MCPH1: variants seen among roughly 807,000 people sequenced by gnomAD.
The protein encoded by MCPH1 is microcephalin.
A neutral mutation model predicts 84.5 loss-of-function variants in MCPH1; 104 were observed. The observed-to-expected ratio is 1.23, with a 90% confidence interval of 1.05 to 1.45. MCPH1 has a LOEUF of 1.45. Ranked by LOEUF, MCPH1 falls within the 40% of genes most tolerant of loss-of-function variation. The pLI, the probability that MCPH1 is intolerant of heterozygous loss-of-function variation, is 0.00. For missense variants in MCPH1, 1,498 were observed against 1,005.7 expected, an observed-to-expected ratio of 1.49 and a Z score of -6.62; for synonymous variants, 514 against 366.8, an observed-to-expected ratio of 1.40 and a Z score of -4.58.
chr8:6,453,394 GTCT>G (rs1306479387), intron 8 of MCPH1, among the ~76,000 whole-genome samples: 3 of 86,512 alleles, frequency 3.5e-5, no homozygotes, highest in South Asian at 9.0e-4. Flanking sequence ...AACAATATCA[GTCT>G]TTTTTTTTTT....
intron 12 of MCPH1, among the ~76,000 whole-genome samples, chr8:6,576,171 A>G (rs1586686076): frequency 6.6e-6 from 1 of 152,158 alleles, no homozygotes; most frequent in Non-Finnish European, 1.5e-5. Flanking sequence ...GAGGGGGTGA[A>G]AAAAGTCCAG....
At chr8:6,639,560 C>T (rs144710849) in intron 13 of MCPH1, among the ~76,000 whole-genome samples, 222 of 151,640 alleles carry the variant, frequency 1.5e-3, no homozygotes, top group Non-Finnish European at 2.3e-3. Context: ...CTACTCAGGA[C>T]GTCAAGGTGG....
intron 3 of MCPH1, among the ~76,000 whole-genome samples, chr8:6,424,378 AT>A (rs1800734983): frequency 6.6e-6 from 1 of 152,166 alleles, no homozygotes; most frequent in African/African-American, 2.4e-5. Flanking sequence ...CACCCCCTGC[AT>A]TTAGTGTTTG....
chr8:6,454,547 C>T (rs950463192), intron 8 of MCPH1, among the ~76,000 whole-genome samples: 2 of 152,158 alleles, frequency 1.3e-5, no homozygotes, highest in Non-Finnish European at 2.9e-5. Flanking sequence ...CACATTTCAT[C>T]GTGGGTTACT....
chr8:6,545,797 C>G (rs1007772598), intron 12 of MCPH1, among the ~76,000 whole-genome samples: 2 of 152,202 alleles, frequency 1.3e-5, no homozygotes, highest in African/African-American at 2.4e-5. Context: ...AATAATAGTT[C>G]TACCCATTGC....
At chr8:6,491,194 A>G (rs151191785) in intron 11 of MCPH1, among the ~76,000 whole-genome samples, 7,441 of 151,592 alleles carry the variant, frequency 0.049, 404 homozygotes, top group African/African-American at 0.13. Context: ...TTAAATTGAG[A>G]TCATGAGTCA....
chr8:6,555,754 C>A (rs142074887), intron 12 of MCPH1, among the ~76,000 whole-genome samples: 1 of 152,224 alleles, frequency 6.6e-6, no homozygotes, highest in South Asian at 2.1e-4. Context: ...TGAGCCACTG[C>A]ACCCAGCCAC....
intron 10 of MCPH1, among the ~76,000 whole-genome samples, chr8:6,479,797 G>A (rs1018761690): frequency 7.2e-5 from 11 of 152,124 alleles, no homozygotes; most frequent in Admixed American, 1.3e-4. Context: ...GAAGTTGGAC[G>A]GAAAGAATAT....
chr8:6,615,252 C>T (rs143605575), intron 12 of MCPH1, among the ~76,000 whole-genome samples: 1 of 152,304 alleles, frequency 6.6e-6, no homozygotes, highest in Admixed American at 6.5e-5. Context: ...ATGTCACATG[C>T]CACCATCAGG....
At chr8:6,486,262 A>ATCTCTCTCTCTCTCTCTC (rs56247663) in intron 11 of MCPH1, among the ~76,000 whole-genome samples, 13 of 147,186 alleles carry the variant, frequency 8.8e-5, no homozygotes, top group African/African-American at 3.0e-4. Context: ...TGTACAAGGA[A>ATCTCTCTCTCTCTCTCTC]TCTCTCTCTC....
At chr8:6,585,863 T>A (rs1325658114) in intron 12 of MCPH1, among the ~76,000 whole-genome samples, 2 of 152,208 alleles carry the variant, frequency 1.3e-5, no homozygotes, top group African/African-American at 4.8e-5. Context: ...TGGCCAACAG[T>A]CACAGTGTGC....
intron 3 of MCPH1, among the ~76,000 whole-genome samples, chr8:6,425,507 G>A (rs568057569): frequency 6.6e-6 from 1 of 152,170 alleles, no homozygotes; most frequent in East Asian, 1.9e-4. Flanking sequence ...TCTTCATAGT[G>A]AGTGATGATA....
chr8:6,524,476 A>C (rs1447922265), intron 12 of MCPH1, among the ~76,000 whole-genome samples: 1 of 152,206 alleles, frequency 6.6e-6, no homozygotes, highest in Non-Finnish European at 1.5e-5. Context: ...CTCCTGAGTC[A>C]CTTTGCACTT....
intron 12 of MCPH1, chr8:6,514,787 A>C: frequency 1.2e-6 from 2 of 1,612,736 alleles, no homozygotes; most frequent in Non-Finnish European, 1.7e-6. Context: ...GCCTGCAAAC[A>C]GGAATGCAGG....
intron 11 of MCPH1, among the ~76,000 whole-genome samples, chr8:6,484,774 A>AT (rs1449634264): frequency 1.3e-5 from 2 of 152,250 alleles, no homozygotes; most frequent in African/African-American, 4.8e-5. Flanking sequence ...AGAAGGTCAC[A>AT]TGCTGTATAA....
At chr8:6,511,632 G>T (rs528244217) in intron 12 of MCPH1, among the ~76,000 whole-genome samples, 1 of 152,260 alleles carries the variant, frequency 6.6e-6, no homozygotes, top group East Asian at 1.9e-4. Context: ...TCCCTTCACA[G>T]TTCTCTTATC....
intron 2 of MCPH1, among the ~76,000 whole-genome samples, 168 bp downstream of exon 2, chr8:6,409,538 T>G (rs1798247074): frequency 6.6e-6 from 1 of 152,130 alleles, no homozygotes; most frequent in South Asian, 2.1e-4. Flanking sequence ...ACAGTAGGAC[T>G]TTCAGAACTC....
At position 6,611,646 on chromosome 8, in the gene MCPH1, TCTCA is replaced by T. The variant is rs573723118; in HGVS notation, c.2215-9804_2215-9801del. 5.9e-5 allele frequency among the ~76,000 whole-genome samples: 9 copies of T among 151,984 alleles called. No individual in the cohort carries two copies. The South Asian group carries it at 1.9e-3, about 32-fold the overall frequency. Reference sequence around the variant, plus strand: ...TTTTTATTTTTTTTTAAAGACATAGTCTCACTCTGTCTCCCAGGCTGGAGTGCAG... The same window carrying T: ...TTTTTATTTTTTTTTAAAGACATAGTCTCTGTCTCCCAGGCTGGAGTGCAG... On this transcript the variant is annotated intron_variant, in intron 12 of 13. Coordinates refer to ENST00000344683, the MANE Select transcript of MCPH1 (RefSeq NM_024596.5).
At chr8:6,465,224 A>G (rs542588051) in intron 9 of MCPH1, among the ~76,000 whole-genome samples, 2 of 152,230 alleles carry the variant, frequency 1.3e-5, no homozygotes, top group Non-Finnish European at 2.9e-5. Context: ...AGCTTGCTGA[A>G]GTAGCAAACT....
Sources: allele counts gnomAD v4.1 joint callset (sites outside exome capture counted in the v4.1 genomes callset), GRCh38; gene constraint gnomAD v4.1.1; transcripts MANE v1.5; gene names NCBI Gene and HGNC (gene_info 2026-07-23, HGNC 2026-07-21).